The following GPR158 variants were observed in gnomAD, a reference collection of about 807,000 sequenced individuals.
GPR158 encodes the protein G protein-coupled receptor 158, also known as metabotropic glycine receptor.
In GPR158, 30 loss-of-function variants were observed where a neutral mutation model predicts 78.2. The ratio of observed to expected loss-of-function variants is 0.38; its 90% CI spans 0.29 to 0.52. The LOEUF (loss-of-function observed/expected upper bound fraction) is 0.52. GPR158 is among the 20% of genes least tolerant of loss of function. The probability of loss-of-function intolerance (pLI) is 0.83; values close to 1 mark genes in which losing one functional copy is unlikely to be tolerated. For synonymous variants in GPR158, 581 were observed against 591.1 expected (o/e 0.98, Z 0.25); for missense variants, 1,463 against 1,523.5 (o/e 0.96, Z 0.66).
rs1227663915 is a variant in GPR158 at position 25,370,390 on chromosome 10, A to G, written c.1009-25521A>G. On this transcript the variant is annotated intron_variant, in intron 2 of 10. Coordinates refer to ENST00000376351, the MANE Select transcript of GPR158 (RefSeq NM_020752.3). ...GTGTCTTTGTTCTCGTTGGTTTCAA[A>G]GAACATCTTTATTTCTGCCTTCATT... 6.1e-5 allele frequency among the ~76,000 whole-genome samples: 6 copies of G among 99,126 alleles called. 1 individual carries two copies. The highest frequency in any genetic ancestry group is 9.1e-5 in the Non-Finnish European group (4 of 44,070). The allele number at this position is 99,126 out of a possible 152,430, so 65.0% of individuals were successfully genotyped here. A position where few individuals can be genotyped will look rare whatever the true frequency, so the allele number is the denominator to read the frequency against.
intron 2 of GPR158, among the ~76,000 whole-genome samples, chr10:25,227,756 C>A (rs1259524916): frequency 6.6e-6 from 1 of 151,956 alleles, no homozygotes; most frequent in African/African-American, 2.4e-5. Context: ...TAGAAATATA[C>A]CAATTGACTT....
intron 1 of GPR158, among the ~76,000 whole-genome samples, chr10:25,209,563 C>G (rs1360223723): frequency 6.6e-6 from 1 of 152,122 alleles, no homozygotes; most frequent in Non-Finnish European, 1.5e-5. Flanking sequence ...TAGGGACACA[C>G]ACACACAATT....
intron 5 of GPR158, among the ~76,000 whole-genome samples, chr10:25,513,647 G>A (rs1344569948): frequency 6.6e-6 from 1 of 151,818 alleles, no homozygotes; most frequent in Non-Finnish European, 1.5e-5. Flanking sequence ...TTTTGATGTA[G>A]GCATTTAATG....
At chr10:25,274,370 A>G (rs1019562978) in intron 2 of GPR158, among the ~76,000 whole-genome samples, 2 of 152,220 alleles carry the variant, frequency 1.3e-5, no homozygotes, top group African/African-American at 2.4e-5. Flanking sequence ...AATGTCTTCA[A>G]ATAGAAATAA....
At chr10:25,279,524 C>T (rs1194631482) in intron 2 of GPR158, among the ~76,000 whole-genome samples, 4 of 151,672 alleles carry the variant, frequency 2.6e-5, no homozygotes, top group Non-Finnish European at 4.4e-5. Flanking sequence ...GAGATTTGTG[C>T]AGGGGGAAGT....
chr10:25,597,960 C>A lies in GPR158; in HGVS notation c.2334C>A (p.Asp778Glu). 1 of 1,614,028 alleles carries A rather than the reference C, an allele frequency of 6.2e-7. No homozygotes were observed. The highest frequency in any genetic ancestry group is 8.5e-7 in the Non-Finnish European group (1 of 1,179,964). The stretch of plus-strand genomic sequence containing the variant: ...CTAAAGAGGACAAGGAGGGCGCCGA[C>A]CATGGCACAGCCAAAGGCACTGCCC... ...QCSKEDKEGA[D>E]HGTAKGTALI... The change falls in exon 11 of 11, where the codon GAC becomes GAA. Residue 778 changes from aspartate (D) to glutamate (E), a missense_variant. Transcript: ENST00000376351.
At chr10:25,198,125 C>A (rs892303986) in intron 1 of GPR158, among the ~76,000 whole-genome samples, 1 of 152,188 alleles carries the variant, frequency 6.6e-6, no homozygotes, top group Non-Finnish European at 1.5e-5. Context: ...ATTTAACCTG[C>A]AGAAGCCCCA....
intron 1 of GPR158, among the ~76,000 whole-genome samples, chr10:25,195,722 T>A (rs1026526576): frequency 3.3e-5 from 5 of 152,196 alleles, no homozygotes; most frequent in African/African-American, 1.2e-4. Context: ...CTCTTCTTTT[T>A]CTTTTTTTCA....
intron 2 of GPR158, among the ~76,000 whole-genome samples, chr10:25,354,051 T>C (rs1265026879): frequency 1.3e-5 from 2 of 151,992 alleles, no homozygotes; most frequent in African/African-American, 4.8e-5. Flanking sequence ...AATCATCTTA[T>C]AGATTTAAAA....
chr10:25,245,963 T>C (rs1370415987), intron 2 of GPR158, among the ~76,000 whole-genome samples: 1 of 152,226 alleles, frequency 6.6e-6, no homozygotes, highest in Non-Finnish European at 1.5e-5. Context: ...TGCTATAAAA[T>C]AGAATTTTGT....
chr10:25,587,689 A>G (rs1837289349), intron 7 of GPR158, among the ~76,000 whole-genome samples: 1 of 152,192 alleles, frequency 6.6e-6, no homozygotes, highest in Non-Finnish European at 1.5e-5. Flanking sequence ...ACAGACCTAC[A>G]CTAGATCTCA....
rs760852108 is a variant in GPR158, at chr10:25,241,311, T to TTTCTCTTCTCTTCTCTTCTCTTCTC, written c.1008+20157_1008+20181dup. Among the ~76,000 whole-genome samples, 37 of 104,588 alleles carry TTTCTCTTCTCTTCTCTTCTCTTCTC rather than the reference T, an allele frequency of 3.5e-4. 5 individuals carry two copies. Among genetic ancestry groups the TTTCTCTTCTCTTCTCTTCTCTTCTC allele is most frequent in the African/African-American group, 1.6e-3 (36 of 22,822 alleles). 68.6% of individuals were successfully genotyped at this position (104,588 alleles called of 152,430 possible). A position where few individuals can be genotyped will look rare whatever the true frequency, so the allele number is the denominator to read the frequency against. ...TTTCTTTTCTTTTCTTTTCTTTTCTTTTCTCTTCTCTTCTCTTCTCTTCTC... is the reference window on the plus strand; with the variant it reads ...TTTCTTTTCTTTTCTTTTCTTTTCTTTTCTCTTCTCTTCTCTTCTCTTCTCTTCTCTTCTCTTCTCTTCTCTTCTC... On this transcript the variant is annotated intron_variant, in intron 2 of 10. Coordinates refer to ENST00000376351, the MANE Select transcript of GPR158 (RefSeq NM_020752.3).
At chr10:25,521,212 C>T (rs990330959) in intron 5 of GPR158, among the ~76,000 whole-genome samples, 1 of 152,208 alleles carries the variant, frequency 6.6e-6, no homozygotes, top group Admixed American at 6.5e-5. Context: ...AATGCCTCGC[C>T]CTGCTTCGGC....
intron 2 of GPR158, among the ~76,000 whole-genome samples, chr10:25,336,569 G>T (rs1236729882): frequency 6.6e-6 from 1 of 151,992 alleles, no homozygotes; most frequent in African/African-American, 2.4e-5. Context: ...TTAACCAAGG[G>T]CATGTTATAC....
intron 5 of GPR158, among the ~76,000 whole-genome samples, chr10:25,481,009 C>T (rs1377679389): frequency 6.6e-6 from 1 of 152,098 alleles, no homozygotes; most frequent in Non-Finnish European, 1.5e-5. Context: ...AAAAATTGGG[C>T]TTATGTGTGT....
chr10:25,355,313 T>C (rs554747669), intron 2 of GPR158, among the ~76,000 whole-genome samples: 235 of 152,234 alleles, frequency 1.5e-3, no homozygotes, highest in Non-Finnish European at 2.9e-3. Flanking sequence ...CTGAGAGCCT[T>C]TAATAAATTT....
intron 2 of GPR158, among the ~76,000 whole-genome samples, chr10:25,295,416 CTCTT>C (rs781712311): frequency 4.1e-4 from 61 of 149,796 alleles, no homozygotes; most frequent in Non-Finnish European, 7.5e-4. Flanking sequence ...AAAATGACTT[CTCTT>C]TCTTTTTTTT....
At chr10:25,344,936 A>G (rs7086725) in intron 2 of GPR158, among the ~76,000 whole-genome samples, 5,687 of 152,078 alleles carry the variant, frequency 0.037, 354 homozygotes, top group African/African-American at 0.13. Flanking sequence ...TGGTGGAGGA[A>G]GCAAGGCAAC....
In GPR158 at chr10:25,601,992, T is replaced by C. The variant is rs534570957; in HGVS notation, c.*2718T>C. 6.5e-6 allele frequency: 1 copy of C among 152,738 alleles called. No homozygotes were observed. Among genetic ancestry groups the C allele is most frequent in the East Asian group, 1.9e-4 (1 of 5,180 alleles). 9.5% of individuals were successfully genotyped at this position (152,738 alleles called of 1,614,324 possible). Reference sequence around the variant, plus strand: ...TGTATTTGCTTCCTAGGTTTCTGCATGCAAGTTATGACAGGTAGGACTGAA... The same window carrying C: ...TGTATTTGCTTCCTAGGTTTCTGCACGCAAGTTATGACAGGTAGGACTGAA... On this transcript the variant is annotated 3_prime_UTR_variant, in exon 11 of 11. Coordinates refer to ENST00000376351, the MANE Select transcript of GPR158 (RefSeq NM_020752.3).
Sources: gnomAD v4.1 joint callset for allele counts (sites outside exome capture counted in the v4.1 genomes callset) on GRCh38, gnomAD v4.1.1 for gene constraint, MANE v1.5 for transcripts, NCBI Gene and HGNC (gene_info 2026-07-23, HGNC 2026-07-21) for gene names.